The following COLEC12 variants were observed in gnomAD, a reference collection of about 807,000 sequenced individuals.
COLEC12 encodes collectin subfamily member 12, also known as collectin-12.
Under a neutral mutation model 71.1 loss-of-function variants are expected in COLEC12, and 33 were observed. The ratio of observed to expected loss-of-function variants is 0.46; its 90% CI spans 0.35 to 0.62. The LOEUF is 0.62. COLEC12 is among the 20% of genes least tolerant of loss of function. The probability of loss-of-function intolerance (pLI) is 0.00; values close to 1 mark genes in which losing one functional copy is unlikely to be tolerated. For synonymous variants in COLEC12, 350 were observed against 353.0 expected (o/e 0.99, Z 0.10); for missense variants, 765 against 916.1 (o/e 0.84, Z 2.13).
At chr18:357,570 T>A (rs685658) in intron 2 of COLEC12, 48 bp from the exon 3 acceptor site, 589 of 1,461,904 alleles carry the variant, frequency 4.0e-4, no homozygotes, top group Non-Finnish European at 5.1e-4. Context: ...GATGTCATTT[T>A]AAAATTTATC....
At chr18:363,387 T>C (rs529066914) in intron 2 of COLEC12, among the ~76,000 whole-genome samples, 4 of 152,318 alleles carry the variant, frequency 2.6e-5, no homozygotes, top group Admixed American at 6.5e-5. Flanking sequence ...TCTGGGCTAT[T>C]TTCATGATCA....
At chr18:364,298 GC>G (rs1382827852) in intron 2 of COLEC12, among the ~76,000 whole-genome samples, 1 of 152,182 alleles carries the variant, frequency 6.6e-6, no homozygotes, top group African/African-American at 2.4e-5. Context: ...TGCAGTGTCT[GC>G]CAGAATATAT....
chr18:399,362 G>T lies in COLEC12; in HGVS notation c.59-41840C>A, dbSNP rs535661376. Among the ~76,000 whole-genome samples, 1 of 152,332 alleles carries T rather than the reference G, an allele frequency of 6.6e-6. No individual in the cohort carries two copies. Among genetic ancestry groups the T allele is most frequent in the Non-Finnish European group, 1.5e-5 (1 of 68,024 alleles). On this transcript the variant is annotated intron_variant, in intron 2 of 9. Coordinates refer to ENST00000400256, the MANE Select transcript of COLEC12 (RefSeq NM_130386.3). The surrounding 1 kb of genome is among the most constrained non-coding windows in gnomAD (Gnocchi z 4.0). ...AGGCCAGACGAGAGGCTTTTTGGAA[G>T]GGTTCTCATCACTGTGTAGCGCGCA...
In COLEC12 at chr18:433,497, G is replaced by A. The variant is rs568577372; in HGVS notation, c.58+47210C>T. Among the ~76,000 whole-genome samples the A allele has an allele frequency of 2.0e-5, 3 of 152,186 alleles. No homozygotes were observed. In the East Asian group the frequency reaches 5.8e-4, roughly 29 times the overall value. On this transcript the variant is annotated intron_variant, in intron 2 of 9. Transcript: ENST00000400256. ...CCAGTTTTTTCTCTGAGACTCCTGT[G>A]GCAACTAGACCATTGGTTTCTTAGG...
At chr18:352,259 A>G (rs1030273442) in intron 3 of COLEC12, among the ~76,000 whole-genome samples, 1 of 152,206 alleles carries the variant, frequency 6.6e-6, no homozygotes, top group South Asian at 2.1e-4. Flanking sequence ...GAATGTTTAC[A>G]GGTTTAGGTT....
At position 334,900 on chromosome 18, in the gene COLEC12, A is replaced by G. The variant is rs531789462; in HGVS notation, c.1658T>C (p.Val553Ala). The change falls in exon 6 of 10, where the codon GTT (valine) becomes GCT (alanine). Residue 553 changes from valine (V) to alanine (A), a missense_variant. Transcript: ENST00000400256. ...AGGTCCAGGCACCCCAGGCTCCCCA[A>G]CGGTGCCCTGAAGTCCCTGGAAGCC... ...PPGFQGLQGT[V>A]GEPGVPGPRG... The G allele has an allele frequency of 5.8e-6, 9 of 1,539,564 alleles. No homozygotes were observed. Among genetic ancestry groups the G allele is most frequent in the African/African-American group, 1.4e-5 (1 of 69,976 alleles).
rs183318008 is a variant in COLEC12, at chr18:362,714, C to A, written c.59-5192G>T. Among the ~76,000 whole-genome samples the A allele has an allele frequency of 1.2e-4, 19 of 152,188 alleles. No homozygotes were observed. The highest frequency in any genetic ancestry group is 4.3e-4 in the African/African-American group (18 of 41,518). On this transcript the variant is annotated intron_variant, in intron 2 of 9. Transcript: ENST00000400256. This position sits in a 1 kb window ranked among gnomAD's most constrained non-coding sequence, Gnocchi z 4.6. ...AGATCCAGCGTGCCAAAGAACCTGG[C>A]GCCAATAGCACATTTGAAATTCAGA...
At chr18:358,528 A>G in intron 2 of COLEC12, among the ~76,000 whole-genome samples, 1 of 152,212 alleles carries the variant, frequency 6.6e-6, no homozygotes, top group Non-Finnish European at 1.5e-5. Flanking sequence ...CACAGTTCAC[A>G]ACAGGATTCG....
intron 2 of COLEC12, among the ~76,000 whole-genome samples, chr18:373,391 A>G (rs538501228): frequency 2.2e-4 from 33 of 152,282 alleles, no homozygotes; most frequent in African/African-American, 7.7e-4. Context: ...CATGGTGGGG[A>G]AAAAGGGCCA....
At chr18:329,406 G>A (rs1470840626) in intron 8 of COLEC12, among the ~76,000 whole-genome samples, 1 of 152,022 alleles carries the variant, frequency 6.6e-6, no homozygotes, top group Non-Finnish European at 1.5e-5. Flanking sequence ...AAAGACCCCG[G>A]CGCTCTTGGC....
Position 480,557 on chromosome 18 carries a change from A to G in COLEC12, c.58+150T>C. ...GAGAAACCCTCCCCCTGGGACACAGACACTCACTTTCCAACCAAAATTGGA... is the reference window on the plus strand; with the variant it reads ...GAGAAACCCTCCCCCTGGGACACAGGCACTCACTTTCCAACCAAAATTGGA... On this transcript the variant is annotated intron_variant, in intron 2 of 9. Coordinates refer to ENST00000400256, the MANE Select transcript of COLEC12 (RefSeq NM_130386.3). The surrounding 1 kb of genome is among the most constrained non-coding windows in gnomAD (Gnocchi z 4.1). 2.8e-6 allele frequency: 2 copies of G among 715,046 alleles called. No individual in the cohort carries two copies. The highest frequency in any genetic ancestry group is 2.1e-5 in the Admixed American group (1 of 48,584). 44.3% of individuals were successfully genotyped at this position (715,046 alleles called of 1,614,324 possible).
rs71361502 is a variant in COLEC12 at position 318,488 on chromosome 18, G to GTTT, written c.*1554_*1556dup. Reference sequence around the variant, plus strand: ...AAAGGAAGATGGGCTCAGAGGAAAGGTTTTTTTTTTTTTTTTTTTTTTGAG... The same window carrying GTTT: ...AAAGGAAGATGGGCTCAGAGGAAAGGTTTTTTTTTTTTTTTTTTTTTTTTTGAG... On this transcript the variant is annotated 3_prime_UTR_variant, in exon 10 of 10. Coordinates refer to ENST00000400256, the MANE Select transcript of COLEC12 (RefSeq NM_130386.3). 3.9e-3 allele frequency: 383 copies of GTTT among 98,996 alleles called. 9 individuals are homozygous for GTTT. The highest frequency in any genetic ancestry group is 5.2e-3 in the African/African-American group (127 of 24,298). The allele number at this position is 98,996 out of a possible 1,614,324, so 6.1% of individuals were successfully genotyped here.
chr18:336,258 G>C (rs1193690693), intron 5 of COLEC12, among the ~76,000 whole-genome samples: 1 of 152,102 alleles, frequency 6.6e-6, no homozygotes, highest in Non-Finnish European at 1.5e-5. Flanking sequence ...CAGCTCAGAG[G>C]GACGGGAGGT....
At chr18:330,214 G>A (rs1399801883) in intron 8 of COLEC12, among the ~76,000 whole-genome samples, 1 of 152,186 alleles carries the variant, frequency 6.6e-6, no homozygotes, top group East Asian at 1.9e-4. Flanking sequence ...CACGCACATA[G>A]GGACATTTAA....
At position 480,889 on chromosome 18, in the gene COLEC12, G is replaced by T; in HGVS notation, c.8-132C>A. 1 of 822,752 alleles carries T rather than the reference G, an allele frequency of 1.2e-6. No individual in the cohort carries two copies. 51.0% of individuals were successfully genotyped at this position (822,752 alleles called of 1,614,324 possible). A position where few individuals can be genotyped will look rare whatever the true frequency, so the allele number is the denominator to read the frequency against. On this transcript the variant is annotated intron_variant, in intron 1 of 9. Coordinates refer to ENST00000400256, the MANE Select transcript of COLEC12 (RefSeq NM_130386.3). The surrounding 1 kb of genome is among the most constrained non-coding windows in gnomAD (Gnocchi z 4.1). The stretch of plus-strand genomic sequence containing the variant: ...TCCTTCTGCTCGTGGATCGCACCAG[G>T]CTTTCTGGAAGAGGCGGCAGGGGTC...
Position 369,401 on chromosome 18 carries a change from TTTTTTA to T in COLEC12, c.59-11885_59-11880del, listed in dbSNP as rs1314793209. ...GATACAGATCTTTTTTTTTTTATTT[TTTTTTA>T]TTTTTATTTTTATTTTTATTTTTAT... On this transcript the variant is annotated intron_variant, in intron 2 of 9. Coordinates refer to ENST00000400256, the MANE Select transcript of COLEC12 (RefSeq NM_130386.3). Among the ~76,000 whole-genome samples the T allele has an allele frequency of 2.5e-3, 328 of 132,440 alleles. 1 individual carries two copies. Among genetic ancestry groups the T allele is most frequent in the African/African-American group, 7.1e-3 (232 of 32,878 alleles). The allele number at this position is 132,440 out of a possible 152,430, so 86.9% of individuals were successfully genotyped here. A position where few individuals can be genotyped will look rare whatever the true frequency, so the allele number is the denominator to read the frequency against.
intron 2 of COLEC12, among the ~76,000 whole-genome samples, chr18:445,858 C>T (rs1916637611): frequency 6.6e-6 from 1 of 152,146 alleles, no homozygotes; most frequent in Non-Finnish European, 1.5e-5. Context: ...TCTCGAACTC[C>T]TGAGCTCAAG....
intron 2 of COLEC12, among the ~76,000 whole-genome samples, chr18:456,921 C>T (rs1739678741): frequency 3.9e-5 from 6 of 152,166 alleles, no homozygotes; most frequent in Admixed American, 3.9e-4. Flanking sequence ...CCCTGAGCCC[C>T]GTACTCTGTC....
intron 2 of COLEC12, among the ~76,000 whole-genome samples, chr18:437,354 G>T (rs1916427134): frequency 6.6e-6 from 1 of 152,012 alleles, no homozygotes; most frequent in Admixed American, 6.6e-5. Context: ...TTAGCTTCAG[G>T]GTGACCACCT....
Sources: allele counts gnomAD v4.1 joint callset (sites outside exome capture counted in the v4.1 genomes callset), GRCh38; gene constraint gnomAD v4.1.1; non-coding constraint Gnocchi (gnomAD v3.1); transcripts MANE v1.5; gene names NCBI Gene and HGNC (gene_info 2026-07-23, HGNC 2026-07-21).